Variants in PROSER2 observed in about 807,000 individuals in gnomAD.
The protein encoded by PROSER2 is proline and serine-rich protein 2.
A neutral mutation model predicts 14.6 loss-of-function variants in PROSER2; 18 were observed. The observed-to-expected ratio is 1.23, with a 90% CI of 0.85 to 1.83. The LOEUF is 1.83. Ranked by LOEUF, PROSER2 falls within the 40% of genes most tolerant of loss-of-function variation. The probability of loss-of-function intolerance (pLI) is 0.00; values close to 1 mark genes in which losing one functional copy is unlikely to be tolerated. For synonymous variants in PROSER2, 367 were observed against 286.4 expected (o/e 1.28, Z -2.84); for missense variants, 823 against 629.8 (o/e 1.31, Z -3.28).
At chr10:11,858,950 A>G (rs919224369) in intron 2 of PROSER2, among the ~76,000 whole-genome samples, 29 of 142,388 alleles carry the variant, frequency 2.0e-4, no homozygotes, top group African/African-American at 7.4e-4. Context: ...TGGAGGTTGC[A>G]GTGAGCCGAG....
At chr10:11,842,817 A>G (rs1333066607) in intron 1 of PROSER2, among the ~76,000 whole-genome samples, 2 of 151,842 alleles carry the variant, frequency 1.3e-5, no homozygotes, top group Non-Finnish European at 1.5e-5. Flanking sequence ...AGTTTTTCCC[A>G]AATATATGTA....
intron 2 of PROSER2, among the ~76,000 whole-genome samples, chr10:11,857,759 A>AAG (rs930987018): frequency 5.3e-5 from 8 of 150,764 alleles, no homozygotes; most frequent in South Asian, 4.2e-4. Context: ...AAAAAAAAAA[A>AAG]AAAAAGAAAC....
At position 11,862,940 on chromosome 10, in the gene PROSER2, G is replaced by C. The variant is rs1588498614; in HGVS notation, c.139-3591G>C. On this transcript the variant is annotated intron_variant, in intron 2 of 3. Transcript: ENST00000277570. The surrounding 1 kb of genome is among the most constrained non-coding windows in gnomAD (Gnocchi z 4.2). Reference sequence around the variant, plus strand: ...GCTAGAGCAACCAGCCCTGCCGAAAGCAAGTGTCAGTCAGTACAACCACTT... The same window carrying C: ...GCTAGAGCAACCAGCCCTGCCGAAACCAAGTGTCAGTCAGTACAACCACTT... 1.3e-5 allele frequency: 2 copies of C among 152,164 alleles called. No individual in the cohort carries two copies. The highest frequency in any genetic ancestry group is 4.8e-5 in the African/African-American group (2 of 41,430). 9.4% of individuals were successfully genotyped at this position (152,164 alleles called of 1,614,324 possible). A position where few individuals can be genotyped will look rare whatever the true frequency, so the allele number is the denominator to read the frequency against.
Position 11,852,079 on chromosome 10 carries a change from TGCCTGTAACCCA to T in PROSER2, c.3_14del (p.MetProValThrHis1_?5). 2 of 1,609,422 alleles carry T rather than the reference TGCCTGTAACCCA, an allele frequency of 1.2e-6. No homozygotes were observed. The highest frequency in any genetic ancestry group is 8.5e-7 in the Non-Finnish European group (1 of 1,177,612). On this transcript the variant is annotated start_lost and inframe_deletion, in exon 2 of 4. Transcript: ENST00000277570. The stretch of plus-strand genomic sequence containing the variant: ...GCCGGCCCTGAGGACTCTGTGGAGA[TGCCTGTAACCCA>T]CCGGAAATCAGACGCATCTGACATG...
intron 1 of PROSER2, among the ~76,000 whole-genome samples, chr10:11,845,103 G>GA (rs1322926062): frequency 2.0e-5 from 3 of 151,866 alleles, no homozygotes; most frequent in Non-Finnish European, 2.9e-5. Context: ...GAAAATAATG[G>GA]AAAAAAACCT....
intron 1 of PROSER2, among the ~76,000 whole-genome samples, chr10:11,831,128 G>A (rs1243477862): frequency 6.6e-6 from 1 of 152,140 alleles, no homozygotes; most frequent in Admixed American, 6.6e-5. Context: ...GTCTAACCAG[G>A]TGTTATAAAT....
chr10:11,825,282 A>G (rs1032788308), intron 1 of PROSER2, among the ~76,000 whole-genome samples: 1 of 152,212 alleles, frequency 6.6e-6, no homozygotes, highest in African/African-American at 2.4e-5. Context: ...TCTTATCTGC[A>G]GTGTTGTGGG....
intron 1 of PROSER2, among the ~76,000 whole-genome samples, chr10:11,841,977 C>T (rs1191518874): frequency 1.2e-4 from 18 of 152,136 alleles, no homozygotes. Flanking sequence ...CTTCCTAGCA[C>T]TTTGGGAGGC....
chr10:11,870,426 C>A lies in PROSER2; in HGVS notation c.*20C>A, dbSNP rs568187783. ...TCGTGAGGGCCGCGCGGGCTCCAGT[C>A]CACCCCGTTTCTCCCCACCCTGAAG... is the stretch of plus-strand genomic sequence containing the variant. On this transcript the variant is annotated 3_prime_UTR_variant, in exon 4 of 4. Coordinates refer to ENST00000277570, the MANE Select transcript of PROSER2 (RefSeq NM_153256.4). 6.9e-7 allele frequency: 1 copy of A among 1,455,630 alleles called. No individual in the cohort carries two copies. The allele number at this position is 1,455,630 out of a possible 1,614,324, so 90.2% of individuals were successfully genotyped here. A position where few individuals can be genotyped will look rare whatever the true frequency, so the allele number is the denominator to read the frequency against.
In PROSER2 at chr10:11,851,015, G is replaced by A. The variant is rs1045631655; in HGVS notation, c.-81-982G>A. Reference sequence around the variant, plus strand: ...AGGCGGATCACTTGAGCTCAGGAGTGACTCCTGAGACCAGCCTGGGCAACA... The same window carrying A: ...AGGCGGATCACTTGAGCTCAGGAGTAACTCCTGAGACCAGCCTGGGCAACA... On this transcript the variant is annotated intron_variant, in intron 1 of 3. Coordinates refer to ENST00000277570, the MANE Select transcript of PROSER2 (RefSeq NM_153256.4). 7 of 152,362 alleles carry A rather than the reference G, an allele frequency of 4.6e-5. No homozygotes were observed. In the Middle Eastern group the frequency reaches 0.01, roughly 221 times the overall value. 9.4% of individuals were successfully genotyped at this position (152,362 alleles called of 1,614,324 possible). A position where few individuals can be genotyped will look rare whatever the true frequency, so the allele number is the denominator to read the frequency against.
rs117601224 is a variant in PROSER2, at chr10:11,841,585, G to A, written c.-81-10412G>A. ...CATCCCACAGGTTTCGATAGGTAGC[G>A]TTTCTGTTATTTACTTACGAGTATT... On this transcript the variant is annotated intron_variant, in intron 1 of 3. Transcript: ENST00000277570. 3.7e-4 allele frequency among the ~76,000 whole-genome samples: 57 copies of A among 152,172 alleles called. No homozygotes were observed. In the East Asian group the frequency reaches 8.9e-3, roughly 24 times the overall value.
At chr10:11,855,716 G>A (rs1227254105) in intron 2 of PROSER2, among the ~76,000 whole-genome samples, 1 of 152,180 alleles carries the variant, frequency 6.6e-6, no homozygotes, top group Non-Finnish European at 1.5e-5. Context: ...TTCAGCCTAG[G>A]AGTTAAAGGC....
chr10:11,850,742 G>C (rs1016966947), intron 1 of PROSER2: 4 of 152,222 alleles, frequency 2.6e-5, no homozygotes, highest in Admixed American at 6.5e-5. Context: ...TCATGGTAAT[G>C]CTTGAAGTCT....
intron 1 of PROSER2, among the ~76,000 whole-genome samples, chr10:11,847,449 G>A (rs1300583544): frequency 6.6e-6 from 1 of 152,058 alleles, no homozygotes; most frequent in Non-Finnish European, 1.5e-5. Context: ...ACGGAGTCTC[G>A]CTCTGTCACC....
rs1198787387 is a variant in PROSER2, at chr10:11,836,914, C to T, written c.-82+13444C>T. The stretch of plus-strand genomic sequence containing the variant: ...TGGAAAATTCCAGAAATAAATCCTT[C>T]ATAAGTTTTAAATTGTGCACCATTC... On this transcript the variant is annotated intron_variant, in intron 1 of 3. Transcript: ENST00000277570. This position sits in a 1 kb window ranked among gnomAD's most constrained non-coding sequence, Gnocchi z 4.6. Among the ~76,000 whole-genome samples the T allele has an allele frequency of 6.6e-6, 1 of 152,184 alleles. No homozygotes were observed. Among genetic ancestry groups the T allele is most frequent in the Admixed American group, 6.5e-5 (1 of 15,278 alleles).
intron 1 of PROSER2, among the ~76,000 whole-genome samples, chr10:11,846,098 T>G (rs1470663664): frequency 6.6e-6 from 1 of 152,192 alleles, no homozygotes; most frequent in African/African-American, 2.4e-5. Flanking sequence ...GCGACCCTCC[T>G]GCCTCAGTCT....
Position 11,869,351 on chromosome 10 carries a change from G to C in PROSER2, c.392-139G>C, listed in dbSNP as rs1050844641. 3.1e-6 allele frequency: 2 copies of C among 652,008 alleles called. No homozygotes were observed. Among genetic ancestry groups the C allele is most frequent in the Non-Finnish European group, 2.8e-6 (1 of 358,766 alleles). The allele number at this position is 652,008 out of a possible 1,614,324, so 40.4% of individuals were successfully genotyped here. ...TTCCCTAGTCCCAGGAACAGGGAGA[G>C]AGGAGTTGACTCACAGGCAGCACCG... On this transcript the variant is annotated intron_variant, in intron 3 of 3. Coordinates refer to ENST00000277570, the MANE Select transcript of PROSER2 (RefSeq NM_153256.4). The surrounding 1 kb of genome is among the most constrained non-coding windows in gnomAD (Gnocchi z 4.4).
In PROSER2 at chr10:11,823,979, C is replaced by T. The variant is rs922948017; in HGVS notation, c.-82+509C>T. On this transcript the variant is annotated intron_variant, in intron 1 of 3. Coordinates refer to ENST00000277570, the MANE Select transcript of PROSER2 (RefSeq NM_153256.4). This position sits in a 1 kb window ranked among gnomAD's most constrained non-coding sequence, Gnocchi z 6.2. ...GATGTGCAGGGTCTGCCCAGCCCAG[C>T]GCGGCGGGAGGGACTAAAATAGAGG... 2.0e-5 allele frequency among the ~76,000 whole-genome samples: 3 copies of T among 152,032 alleles called. No individual in the cohort carries two copies. The highest frequency in any genetic ancestry group is 6.5e-5 in the Admixed American group (1 of 15,280).
intron 1 of PROSER2, chr10:11,849,718 A>G (rs1028811250): frequency 6.6e-6 from 1 of 152,302 alleles, no homozygotes; most frequent in Non-Finnish European, 1.5e-5. Context: ...CAACTAGAGA[A>G]TCCGGCAGAA....
Sources: gnomAD v4.1 joint callset for allele counts (sites outside exome capture counted in the v4.1 genomes callset) on GRCh38, gnomAD v4.1.1 for gene constraint, Gnocchi (gnomAD v3.1) non-coding constraint, MANE v1.5 for transcripts, NCBI Gene and HGNC (gene_info 2026-07-23, HGNC 2026-07-21) for gene names.